The following SORCS2 variants were observed in gnomAD, a reference collection of about 807,000 sequenced individuals.
SORCS2 encodes VPS10 domain-containing receptor SorCS2.
A neutral mutation model predicts 141.6 loss-of-function variants in SORCS2; 100 were observed. The ratio of observed to expected loss-of-function variants is 0.71; its 90% CI spans 0.60 to 0.83. The LOEUF (loss-of-function observed/expected upper bound fraction) is 0.83, where lower values mean the gene tolerates loss of function less well. Among genes scored for constraint, SORCS2 ranks in the 40% least tolerant of loss-of-function variants. SORCS2 has a pLI of 0.00. For missense variants in SORCS2, 1,646 were observed against 1,560.2 expected, an observed-to-expected ratio of 1.05 and a Z score of -0.93; for synonymous variants, 789 against 676.9, an observed-to-expected ratio of 1.17 and a Z score of -2.57.
At chr4:7,716,723 C>A (rs1560107945) in intron 17 of SORCS2, among the ~76,000 whole-genome samples, 1 of 152,054 alleles carries the variant, frequency 6.6e-6, no homozygotes, top group South Asian at 2.1e-4. Context: ...ATCTACCCAT[C>A]TGTCTACCCA....
chr4:7,575,153 C>G (rs1170746846), intron 3 of SORCS2, among the ~76,000 whole-genome samples: 1 of 152,214 alleles, frequency 6.6e-6, no homozygotes, highest in Non-Finnish European at 1.5e-5. Flanking sequence ...GCAGCCTGTT[C>G]AGTCCTCAGA....
At chr4:7,455,654 TCGTGTTGGGGTCAGGCTC>T (rs1560299419) in intron 2 of SORCS2, among the ~76,000 whole-genome samples, 1 of 96,510 alleles carries the variant, frequency 1.0e-5, no homozygotes, top group African/African-American at 4.1e-5. Flanking sequence ...GGGTCAGGCT[TCGTGTTGGGGTCAGGCTC>T]CGTGTTGGGG....
chr4:7,608,064 C>T (rs1718172777), intron 3 of SORCS2, among the ~76,000 whole-genome samples: 1 of 152,122 alleles, frequency 6.6e-6, no homozygotes, highest in Admixed American at 6.5e-5. Context: ...AGAAGGAGGC[C>T]TCCACAGTGC....
At chr4:7,360,571 CTTTTTTTTTTTTT>C (rs753548897) in intron 1 of SORCS2, among the ~76,000 whole-genome samples, 1 of 49,272 alleles carries the variant, frequency 2.0e-5, no homozygotes, top group Non-Finnish European at 3.2e-5. Flanking sequence ...CCAGTCCCTT[CTTTTTTTTTTTTT>C]TTTTTTTTTT....
At position 7,730,476 on chromosome 4, in the gene SORCS2, A is replaced by G. The variant is rs1213792180; in HGVS notation, c.3108+764A>G. Among the ~76,000 whole-genome samples, 4 of 152,364 alleles carry G rather than the reference A, an allele frequency of 2.6e-5. No homozygotes were observed. In the East Asian group the frequency reaches 7.7e-4, roughly 29 times the overall value. ...ACATGGATTCACAGCAGCATTACTC[A>G]TCGTAGCCAAAAAGTGCTCATCGGC... is the stretch of plus-strand genomic sequence containing the variant. On this transcript the variant is annotated intron_variant, in intron 23 of 26. Coordinates refer to ENST00000507866, the MANE Select transcript of SORCS2 (RefSeq NM_020777.3).
intron 2 of SORCS2, among the ~76,000 whole-genome samples, chr4:7,454,330 T>C (rs1452661565): frequency 2.3e-5 from 2 of 86,896 alleles, no homozygotes; most frequent in Non-Finnish European, 4.4e-5. Flanking sequence ...TGGGGTCAGG[T>C]GCTGTGTTGG....
intron 2 of SORCS2, among the ~76,000 whole-genome samples, chr4:7,525,610 A>G (rs1733619475): frequency 6.6e-6 from 1 of 150,756 alleles, no homozygotes; most frequent in Admixed American, 6.6e-5. Context: ...AGTCATGCCA[A>G]CTCCACTTCC....
At chr4:7,399,315 A>G (rs981871365) in intron 2 of SORCS2, among the ~76,000 whole-genome samples, 4 of 151,934 alleles carry the variant, frequency 2.6e-5, no homozygotes, top group Admixed American at 6.6e-5. Context: ...TGGAGAGCAC[A>G]TATTAAATAG....
chr4:7,465,504 G>T lies in SORCS2; in HGVS notation c.549-66026G>T, dbSNP rs1040537120. Among the ~76,000 whole-genome samples the T allele has an allele frequency of 1.3e-3, 204 of 152,054 alleles. 1 individual carries two copies. Among genetic ancestry groups the T allele is most frequent in the Non-Finnish European group, 2.4e-4 (16 of 68,024 alleles). On this transcript the variant is annotated intron_variant, in intron 2 of 26. Coordinates refer to ENST00000507866, the MANE Select transcript of SORCS2 (RefSeq NM_020777.3). ...TGGGCACAGGCACTGTGAGGAGCCA[G>T]GAGCTGGAGCCATCTCCTTTCTGCT...
At position 7,433,843 on chromosome 4, in the gene SORCS2, G is replaced by C. The variant is rs145012067; in HGVS notation, c.548+37488G>C. The C allele has an allele frequency of 1.9e-6, 3 of 1,613,926 alleles. No homozygotes were observed. The African/African-American group carries it at 4.0e-5, about 22-fold the overall frequency. On this transcript the variant is annotated intron_variant, in intron 2 of 26. Coordinates refer to ENST00000507866, the MANE Select transcript of SORCS2 (RefSeq NM_020777.3). ...GATTTTGGCCACAAGCTGCACCAAG[G>C]AGGGGCTGTAGGTGTCCACCAAGAT...
At chr4:7,311,188 C>G (rs1396724809) in intron 1 of SORCS2, among the ~76,000 whole-genome samples, 1 of 150,610 alleles carries the variant, frequency 6.6e-6, no homozygotes, top group African/African-American at 2.5e-5. Flanking sequence ...TATCCTCCTC[C>G]TTGTCTGGCC....
At chr4:7,539,800 T>TC (rs1712442024) in intron 3 of SORCS2, among the ~76,000 whole-genome samples, 1 of 93,852 alleles carries the variant, frequency 1.1e-5, no homozygotes, top group Non-Finnish European at 2.0e-5. Flanking sequence ...ATGCTCTGCC[T>TC]CCTTCCTGCT....
At chr4:7,370,632 C>T (rs540062275) in intron 1 of SORCS2, among the ~76,000 whole-genome samples, 1 of 152,362 alleles carries the variant, frequency 6.6e-6, no homozygotes, top group South Asian at 2.1e-4. Context: ...CCTTGTGGGG[C>T]TCTTCCCCTG....
chr4:7,469,629 T>A (rs1729849891), intron 2 of SORCS2, among the ~76,000 whole-genome samples: 1 of 152,182 alleles, frequency 6.6e-6, no homozygotes. Context: ...CAGTCCTAGC[T>A]GCACATGAGT....
chr4:7,500,624 C>G (rs920516558), intron 2 of SORCS2, among the ~76,000 whole-genome samples: 21 of 150,860 alleles, frequency 1.4e-4, no homozygotes, highest in Non-Finnish European at 2.8e-4. Context: ...ACAGAAAGCA[C>G]CAGTGTGCCG....
At chr4:7,374,129 C>CTCTT (rs1162945229) in intron 1 of SORCS2, among the ~76,000 whole-genome samples, 7,247 of 51,212 alleles carry the variant, frequency 0.14, 308 homozygotes, top group Middle Eastern at 0.18. Flanking sequence ...CTTTCTTTCC[C>CTCTT]TCTTTCTTTC....
chr4:7,539,887 G>A (rs1712453566), intron 3 of SORCS2, among the ~76,000 whole-genome samples: 1 of 144,964 alleles, frequency 6.9e-6, no homozygotes, highest in Non-Finnish European at 1.5e-5. Flanking sequence ...TCCCTGCTGT[G>A]GGGGCCACGC....
chr4:7,710,211 G>C (rs573586779), intron 14 of SORCS2, among the ~76,000 whole-genome samples: 1 of 152,292 alleles, frequency 6.6e-6, no homozygotes, highest in Admixed American at 6.5e-5. Context: ...CCATGTTTCT[G>C]CGCAAAGCCT....
chr4:7,296,894 C>G (rs996711053), intron 1 of SORCS2, among the ~76,000 whole-genome samples: 1 of 152,320 alleles, frequency 6.6e-6, no homozygotes, highest in South Asian at 2.1e-4. Flanking sequence ...GACTCCCCAG[C>G]CCCCTCTGGC....
Sources: gnomAD v4.1 joint callset for allele counts (sites outside exome capture counted in the v4.1 genomes callset) on GRCh38, gnomAD v4.1.1 for gene constraint, MANE v1.5 for transcripts, NCBI Gene and HGNC (gene_info 2026-07-23, HGNC 2026-07-21) for gene names.